Variants in FOXN3 observed in about 807,000 individuals in gnomAD.
FOXN3 encodes forkhead box N3.
A neutral mutation model predicts 38.4 loss-of-function variants in FOXN3; 7 were observed. The ratio of observed to expected loss-of-function variants is 0.18; its 90% CI spans 0.10 to 0.34. The LOEUF is 0.34. Among genes scored for constraint, FOXN3 ranks in the 10% least tolerant of loss-of-function variants. FOXN3 has a pLI of 1.00. For missense variants in FOXN3, 456 were observed against 613.4 expected (o/e 0.74, Z 2.71); for synonymous variants, 230 against 242.2 (o/e 0.95, Z 0.47).
intron 1 of FOXN3, among the ~76,000 whole-genome samples, chr14:89,467,810 T>TTTTG (rs1349769812): frequency 5.6e-5 from 7 of 125,768 alleles, no homozygotes; most frequent in African/African-American, 2.0e-4. Flanking sequence ...CTTTGTTTTT[T>TTTTG]TTTTTTTTTT....
At chr14:89,529,169 T>C (rs1322732701) in intron 1 of FOXN3, among the ~76,000 whole-genome samples, 1 of 152,174 alleles carries the variant, frequency 6.6e-6, no homozygotes, top group Non-Finnish European at 1.5e-5. Flanking sequence ...TCTCATCCTA[T>C]CTTCTGAAAA....
At chr14:89,592,492 G>GA (rs566633026) in intron 1 of FOXN3, among the ~76,000 whole-genome samples, 3 of 151,724 alleles carry the variant, frequency 2.0e-5, no homozygotes, top group Non-Finnish European at 4.4e-5. Context: ...GCTTCCAGAG[G>GA]AAAAAAAATC....
At chr14:89,199,718 C>A (rs1439694474) in intron 4 of FOXN3, among the ~76,000 whole-genome samples, 1 of 152,108 alleles carries the variant, frequency 6.6e-6, no homozygotes, top group Non-Finnish European at 1.5e-5. Flanking sequence ...GCCTGGCCAA[C>A]ATGGTGAAAT....
intron 2 of FOXN3, among the ~76,000 whole-genome samples, chr14:89,402,970 C>T (rs115250600): frequency 1.4e-3 from 215 of 152,270 alleles, no homozygotes; most frequent in African/African-American, 5.0e-3. Context: ...TTCAAGTGAA[C>T]ATAAGGAATA....
At chr14:89,602,080 T>C (rs1896163356) in intron 1 of FOXN3, among the ~76,000 whole-genome samples, 5 of 152,052 alleles carry the variant, frequency 3.3e-5, no homozygotes, top group Admixed American at 3.3e-4. Context: ...CTTTCAAACC[T>C]AAAGAAAACC....
chr14:89,429,856 A>C (rs985877078), intron 1 of FOXN3, among the ~76,000 whole-genome samples: 3 of 152,194 alleles, frequency 2.0e-5, no homozygotes, highest in African/African-American at 7.2e-5. Flanking sequence ...ACAAACAGTA[A>C]AGTAAACTTT....
intron 3 of FOXN3, among the ~76,000 whole-genome samples, chr14:89,330,300 C>G (rs1250890893): frequency 6.6e-6 from 1 of 152,212 alleles, no homozygotes; most frequent in African/African-American, 2.4e-5. Context: ...TCTGCCACAG[C>G]TTGTACGGGC....
intron 4 of FOXN3, among the ~76,000 whole-genome samples, chr14:89,265,390 C>T (rs927876008): frequency 2.0e-4 from 30 of 152,152 alleles, no homozygotes; most frequent in African/African-American, 7.0e-4. Context: ...CCTGGGGCTA[C>T]AAACAGCAGC....
intron 4 of FOXN3, chr14:89,185,867 G>A: frequency 6.6e-6 from 1 of 152,398 alleles, no homozygotes; most frequent in Non-Finnish European, 1.5e-5. Flanking sequence ...AAACAGAGCA[G>A]CACTGCTCAT....
intron 4 of FOXN3, among the ~76,000 whole-genome samples, chr14:89,193,045 G>A (rs1016042558): frequency 2.6e-5 from 4 of 151,864 alleles, no homozygotes; most frequent in Non-Finnish European, 5.9e-5. Flanking sequence ...CTTGCCCCTC[G>A]TTTTAGAAAG....
chr14:89,205,981 C>T (rs995387092), intron 4 of FOXN3, among the ~76,000 whole-genome samples: 25 of 152,286 alleles, frequency 1.6e-4, no homozygotes, highest in African/African-American at 6.0e-4. Context: ...TAAAAGAGGC[C>T]CTAGAGAGCT....
chr14:89,222,044 C>T (rs1362590168), intron 4 of FOXN3, among the ~76,000 whole-genome samples: 1 of 152,062 alleles, frequency 6.6e-6, no homozygotes, highest in East Asian at 1.9e-4. Context: ...GGATAGTCTC[C>T]TGACCTCGTG....
chr14:89,419,337 C>A (rs1891844074), upstream of FOXN3: 1 of 382,244 alleles, frequency 2.6e-6, no homozygotes, highest in South Asian at 1.9e-5. Context: ...TTCCATAGAA[C>A]CTCAGCTCTG....
At chr14:89,242,206 C>CA (rs1162670601) in intron 4 of FOXN3, among the ~76,000 whole-genome samples, 2 of 152,190 alleles carry the variant, frequency 1.3e-5, no homozygotes, top group African/African-American at 4.8e-5. Context: ...GCCCGCGTTC[C>CA]TGGCAGCCTT....
chr14:89,428,309 C>T (rs1001392575), intron 1 of FOXN3, among the ~76,000 whole-genome samples: 1 of 152,180 alleles, frequency 6.6e-6, no homozygotes, highest in African/African-American at 2.4e-5. Context: ...GTTCACCAAC[C>T]CTTTCTGTTT....
At chr14:89,222,051 C>T (rs1043768747) in intron 4 of FOXN3, among the ~76,000 whole-genome samples, 1 of 152,164 alleles carries the variant, frequency 6.6e-6, no homozygotes, top group Non-Finnish European at 1.5e-5. Context: ...CTCCTGACCT[C>T]GTGATCTGCC....
chr14:89,586,951 G>A (rs1406100180), intron 1 of FOXN3, among the ~76,000 whole-genome samples: 1 of 152,248 alleles, frequency 6.6e-6, no homozygotes, highest in East Asian at 1.9e-4. Context: ...GTATGTACTA[G>A]GCAGTGTACT....
At chr14:89,246,881 G>A (rs889074673) in intron 4 of FOXN3, among the ~76,000 whole-genome samples, 7 of 152,002 alleles carry the variant, frequency 4.6e-5, no homozygotes, top group African/African-American at 1.7e-4. Flanking sequence ...ATGACAAGAC[G>A]GTTAGAAAAG....
intron 1 of FOXN3, among the ~76,000 whole-genome samples, chr14:89,427,246 AG>A (rs1892055484): frequency 6.8e-6 from 1 of 146,194 alleles, no homozygotes; most frequent in South Asian, 2.2e-4. Context: ...AAAAAAGAAA[AG>A]AGAAGAAAAA....
Sources: gnomAD v4.1 joint callset for allele counts (sites outside exome capture counted in the v4.1 genomes callset) on GRCh38, gnomAD v4.1.1 for gene constraint, MANE v1.5 for transcripts, NCBI Gene and HGNC (gene_info 2026-07-23, HGNC 2026-07-21) for gene names.